Variants in WWOX observed in about 807,000 individuals in gnomAD.
WWOX encodes WW domain-containing oxidoreductase.
In WWOX, 69 loss-of-function variants were observed where a neutral mutation model predicts 46.2. The ratio of observed to expected loss-of-function variants is 1.49; its 90% confidence interval spans 1.23 to 1.82. WWOX has a LOEUF of 1.82. WWOX is among the 40% of genes most tolerant of loss of function. The pLI is 0.00. For synonymous variants in WWOX, 359 were observed against 202.6 expected, an observed-to-expected ratio of 1.77 and a Z score of -6.56; for missense variants, 919 against 542.6, an observed-to-expected ratio of 1.69 and a Z score of -6.89.
At chr16:78,522,854 T>C (rs768854244) in intron 8 of WWOX, among the ~76,000 whole-genome samples, 22 of 152,220 alleles carry the variant, frequency 1.4e-4, no homozygotes, top group Non-Finnish European at 1.5e-4. Flanking sequence ...GGTGGATCAC[T>C]CGAGGTCAGG....
intron 8 of WWOX, among the ~76,000 whole-genome samples, chr16:78,937,300 A>G (rs951014111): frequency 2.6e-5 from 4 of 152,092 alleles, no homozygotes; most frequent in Non-Finnish European, 5.9e-5. Context: ...TCTCCAATAC[A>G]CCTGCATCTT....
intron 5 of WWOX, among the ~76,000 whole-genome samples, chr16:78,295,564 A>G (rs2079931569): frequency 6.6e-6 from 1 of 152,194 alleles, no homozygotes; most frequent in Admixed American, 6.5e-5. Context: ...TACAAAAATT[A>G]GCCGGACATG....
intron 8 of WWOX, chr16:79,004,530 G>A (rs1388989400): frequency 6.6e-6 from 1 of 152,238 alleles, no homozygotes; most frequent in Non-Finnish European, 1.5e-5. Flanking sequence ...TGTGGCAAAG[G>A]ACACTGTGTG....
chr16:78,258,707 CAAAAAAAAAAAAAAA>C, intron 5 of WWOX, among the ~76,000 whole-genome samples: 1 of 69,594 alleles, frequency 1.4e-5, no homozygotes, highest in East Asian at 4.5e-4. Flanking sequence ...TTCCTCCCTC[CAAAAAAAAAAAAAAA>C]AAAAAAAAAA....
At position 79,002,561 on chromosome 16, in the gene WWOX, A is replaced by G. The variant is rs150911882; in HGVS notation, c.1057-209047A>G. Among the ~76,000 whole-genome samples the G allele has an allele frequency of 2.3e-3, 349 of 152,260 alleles. 1 individual carries two copies. The highest frequency in any genetic ancestry group is 7.9e-3 in the African/African-American group (329 of 41,546). On this transcript the variant is annotated intron_variant, in intron 8 of 8. Transcript: ENST00000566780. Reference sequence around the variant, plus strand: ...TTTGCTAAACCTGATGACCCTTGCCATAGCAGAACTAAAGTGATGATGATG... The same window carrying G: ...TTTGCTAAACCTGATGACCCTTGCCGTAGCAGAACTAAAGTGATGATGATG...
intron 5 of WWOX, among the ~76,000 whole-genome samples, chr16:78,265,419 G>C (rs1391387867): frequency 2.0e-5 from 3 of 152,118 alleles, no homozygotes; most frequent in Admixed American, 1.3e-4. Flanking sequence ...GGTGGCACAC[G>C]CCTGTAATCC....
At chr16:78,965,823 G>A (rs1040345083) in intron 8 of WWOX, among the ~76,000 whole-genome samples, 10 of 152,132 alleles carry the variant, frequency 6.6e-5, no homozygotes, top group African/African-American at 2.4e-4. Context: ...TTGATTATTT[G>A]TTTGATTCTA....
rs574113523 is a variant in WWOX at position 78,726,178 on chromosome 16, C to G, written c.1056+293426C>G. Among the ~76,000 whole-genome samples the G allele has an allele frequency of 2.8e-5, 4 of 143,632 alleles. No homozygotes were observed. The Admixed American group carries it at 2.9e-4, about 11-fold the overall frequency. The allele number at this position is 143,632 out of a possible 152,430, so 94.2% of individuals were successfully genotyped here. A position where few individuals can be genotyped will look rare whatever the true frequency, so the allele number is the denominator to read the frequency against. ...TTCTCTTTCTGTGTCTCTCTTTTCT[C>G]TCTCTCTCTCTTTCCTTCCTTCCTT... On this transcript the variant is annotated intron_variant, in intron 8 of 8. Transcript: ENST00000566780.
intron 8 of WWOX, among the ~76,000 whole-genome samples, chr16:79,132,598 T>A (rs952941721): frequency 1.3e-5 from 2 of 152,182 alleles, no homozygotes; most frequent in Non-Finnish European, 2.9e-5. Context: ...TTTCTCTGTG[T>A]CTCTCTTTTT....
At chr16:78,480,308 A>G (rs149044517) in intron 8 of WWOX, among the ~76,000 whole-genome samples, 4 of 152,358 alleles carry the variant, frequency 2.6e-5, no homozygotes, top group Admixed American at 2.0e-4. Context: ...TTAAAGCATT[A>G]GTCCCCAAAG....
intron 5 of WWOX, among the ~76,000 whole-genome samples, chr16:78,376,373 T>A (rs1211818241): frequency 6.6e-6 from 1 of 152,164 alleles, no homozygotes; most frequent in Non-Finnish European, 1.5e-5. Context: ...TGTTTTTACA[T>A]GGGTAGAAAA....
chr16:78,609,130 G>T (rs2045836193), intron 8 of WWOX, among the ~76,000 whole-genome samples: 1 of 152,136 alleles, frequency 6.6e-6, no homozygotes, highest in East Asian at 1.9e-4. Flanking sequence ...TTACAGAGGG[G>T]CAGGGGAAGG....
At chr16:78,755,957 G>C (rs2049635970) in intron 8 of WWOX, among the ~76,000 whole-genome samples, 1 of 152,126 alleles carries the variant, frequency 6.6e-6, no homozygotes, top group African/African-American at 2.4e-5. Context: ...CAGTTTTCTG[G>C]CAAATCAGAG....
intron 8 of WWOX, among the ~76,000 whole-genome samples, chr16:78,961,720 A>C (rs2046274525): frequency 1.3e-5 from 2 of 152,030 alleles, no homozygotes; most frequent in African/African-American, 4.8e-5. Context: ...TCACTTCCTG[A>C]TTTTCTGGTT....
intron 8 of WWOX, among the ~76,000 whole-genome samples, chr16:79,192,300 GATTC>G (rs3032258): frequency 0.3 from 45,391 of 151,022 alleles, 8,147 homozygotes; most frequent in African/African-American, 0.51. Context: ...TTTTCGCAGT[GATTC>G]ATTCATTCAT....
intron 5 of WWOX, chr16:78,355,855 C>A: frequency 1.6e-6 from 1 of 623,044 alleles, no homozygotes; most frequent in Non-Finnish European, 2.9e-6. Context: ...TTGTCCTGTA[C>A]GGAAAACAGG....
chr16:78,225,466 A>T (rs1171000281), intron 5 of WWOX, among the ~76,000 whole-genome samples: 1 of 152,112 alleles, frequency 6.6e-6, no homozygotes, highest in African/African-American at 2.4e-5. Flanking sequence ...ATTGCAACCA[A>T]ATCTATCAGC....
At chr16:78,542,732 C>G (rs1185944947) in intron 8 of WWOX, among the ~76,000 whole-genome samples, 1 of 152,154 alleles carries the variant, frequency 6.6e-6, no homozygotes. Flanking sequence ...CTGGCATAAC[C>G]TTGAATCATA....
In WWOX at chr16:78,432,663, C is replaced by A. The variant is rs2035762911; in HGVS notation, c.967C>A (p.Pro323Thr). 3.1e-6 allele frequency: 5 copies of A among 1,614,204 alleles called. No individual in the cohort carries two copies. The highest frequency in any genetic ancestry group is 4.2e-6 in the Non-Finnish European group (5 of 1,180,036). Residue 323 changes from proline (P) to threonine (T), a missense_variant, in exon 8 of 9, where the codon CCT becomes ACT. Physicochemically the swap from Pro to Thr is conservative, Grantham distance 38 (BLOSUM62 -1). Coordinates refer to ENST00000566780, the MANE Select transcript of WWOX (RefSeq NM_016373.4). Reference sequence around the variant, plus strand: ...CGGGGTCACGTCGAACGCAGTGCATCCTGGAAATATGATGTACTCCAACAT... The same window carrying A: ...CGGGGTCACGTCGAACGCAGTGCATACTGGAAATATGATGTACTCCAACAT... ...PRGVTSNAVH[P>T]GNMMYSNIHR...
Sources: gnomAD v4.1 joint callset for allele counts (sites outside exome capture counted in the v4.1 genomes callset) on GRCh38, gnomAD v4.1.1 for gene constraint, MANE v1.5 for transcripts, NCBI Gene and HGNC (gene_info 2026-07-23, HGNC 2026-07-21) for gene names.